AGPAT3: variants seen among roughly 807,000 people sequenced by gnomAD.
AGPAT3 encodes 1-acylglycerol-3-phosphate O-acyltransferase 3, also known as 1-acyl-sn-glycerol-3-phosphate acyltransferase gamma.
In AGPAT3, 5 loss-of-function variants were observed where a neutral mutation model predicts 47.3. The observed-to-expected ratio is 0.11, with a 90% CI of 0.06 to 0.22. AGPAT3 has a LOEUF of 0.22. Among genes scored for constraint, AGPAT3 ranks in the 10% least tolerant of loss-of-function variants. The pLI, the probability that AGPAT3 is intolerant of heterozygous loss-of-function variation, is 1.00. For synonymous variants in AGPAT3, 212 were observed against 208.3 expected (o/e 1.02, Z -0.15); for missense variants, 315 against 493.0 (o/e 0.64, Z 3.42).
intron 2 of AGPAT3, among the ~76,000 whole-genome samples, chr21:43,925,844 C>T (rs2087036736): frequency 6.6e-6 from 1 of 152,252 alleles, no homozygotes; most frequent in Non-Finnish European, 1.5e-5. Flanking sequence ...ATTCCACCTT[C>T]TCCGTCAGGG....
At chr21:43,887,110 T>C (rs1471568495) in intron 1 of AGPAT3, among the ~76,000 whole-genome samples, 1 of 152,232 alleles carries the variant, frequency 6.6e-6, no homozygotes, top group Non-Finnish European at 1.5e-5. Context: ...TAAACGTGGG[T>C]ACTCCAAAGC....
At position 43,954,823 on chromosome 21, in the gene AGPAT3, C is replaced by T. The variant is rs552520359; in HGVS notation, c.-48-4811C>T. ...AGCTGGACCCAAGACGCCAGAGTTC[C>T]GGGGGCACTGAGTGCTGTGTGGCAC... On this transcript the variant is annotated intron_variant, in intron 2 of 9. Transcript: ENST00000291572. The surrounding 1 kb of genome is among the most constrained non-coding windows in gnomAD (Gnocchi z 4.0). 82 of 169,904 alleles carry T rather than the reference C, an allele frequency of 4.8e-4. 1 individual carries two copies. Among genetic ancestry groups the T allele is most frequent in the African/African-American group, 1.8e-3 (76 of 41,850 alleles). The allele number at this position is 169,904 out of a possible 1,614,324, so 10.5% of individuals were successfully genotyped here. A position where few individuals can be genotyped will look rare whatever the true frequency, so the allele number is the denominator to read the frequency against.
At chr21:43,876,827 TTTTTG>T (rs952348684) in intron 1 of AGPAT3, among the ~76,000 whole-genome samples, 15 of 152,108 alleles carry the variant, frequency 9.9e-5, no homozygotes, top group African/African-American at 2.9e-4. Context: ...TTTTCACCAG[TTTTTG>T]TTTTGTTTTG....
intron 2 of AGPAT3, among the ~76,000 whole-genome samples, chr21:43,943,646 CCTGCGCCTGGCCTGCCA>C (rs2087748204): frequency 6.6e-6 from 1 of 152,190 alleles, no homozygotes; most frequent in Non-Finnish European, 1.5e-5. Flanking sequence ...ACCTCGGTTC[CCTGCGCCTGGCCTGCCA>C]GGCCTCAGCC....
chr21:43,943,017 C>T (rs2087718026), intron 2 of AGPAT3, among the ~76,000 whole-genome samples: 1 of 152,218 alleles, frequency 6.6e-6, no homozygotes, highest in East Asian at 1.9e-4. Context: ...GAGGCCCGCT[C>T]CCCAGGGCTG....
At chr21:43,979,806 C>G in intron 8 of AGPAT3, among the ~76,000 whole-genome samples, 1 of 152,196 alleles carries the variant, frequency 6.6e-6, no homozygotes, top group Non-Finnish European at 1.5e-5. Flanking sequence ...GCTGGGTGCT[C>G]AGGGGTGGCC....
rs996366706 is a variant in AGPAT3, at chr21:43,955,094, C to T, written c.-48-4540C>T. On this transcript the variant is annotated intron_variant, in intron 2 of 9. Coordinates refer to ENST00000291572, the MANE Select transcript of AGPAT3 (RefSeq NM_020132.5). This position sits in a 1 kb window ranked among gnomAD's most constrained non-coding sequence, Gnocchi z 4.1. ...GTGCCAGCTGCCTGTCGGCAGGGAG[C>T]GTATCACCGTGGCACGTCCATGCCG... The T allele has an allele frequency of 7.9e-6, 10 of 1,260,928 alleles. No homozygotes were observed. The highest frequency in any genetic ancestry group is 2.2e-4 in the Middle Eastern group (1 of 4,480). 78.1% of individuals were successfully genotyped at this position (1,260,928 alleles called of 1,614,324 possible). A position where few individuals can be genotyped will look rare whatever the true frequency, so the allele number is the denominator to read the frequency against.
At position 43,919,336 on chromosome 21, in the gene AGPAT3, A is replaced by G. The variant is rs987625678; in HGVS notation, c.-49+15317A>G. Among the ~76,000 whole-genome samples the G allele has an allele frequency of 7.2e-5, 11 of 152,212 alleles. No individual in the cohort carries two copies. In the East Asian group the frequency reaches 2.1e-3, roughly 29 times the overall value. On this transcript the variant is annotated intron_variant, in intron 2 of 9. Coordinates refer to ENST00000291572, the MANE Select transcript of AGPAT3 (RefSeq NM_020132.5). ...CCCCTTCCCAATTTCCCTGTCCATT[A>G]TATCACTCTATGTTTTTGCGTTCTC... is the stretch of plus-strand genomic sequence containing the variant.
chr21:43,967,635 C>T (rs2089192882), intron 3 of AGPAT3: 3 of 312,544 alleles, frequency 9.6e-6, no homozygotes, highest in South Asian at 6.6e-5. Flanking sequence ...TCTCACGGGG[C>T]GTGGCTGTGC....
intron 1 of AGPAT3, among the ~76,000 whole-genome samples, chr21:43,876,243 G>A (rs2085730448): frequency 1.3e-5 from 2 of 151,476 alleles, no homozygotes; most frequent in Non-Finnish European, 2.9e-5. Flanking sequence ...TTTCTATACT[G>A]TAACTAATAA....
chr21:43,868,000 C>T (rs578206921), intron 1 of AGPAT3, among the ~76,000 whole-genome samples: 3 of 152,188 alleles, frequency 2.0e-5, no homozygotes, highest in African/African-American at 7.2e-5. Flanking sequence ...TTACCAATTT[C>T]AAAGCGCTGC....
intron 1 of AGPAT3, among the ~76,000 whole-genome samples, chr21:43,899,612 C>T (rs369365219): frequency 3.3e-5 from 5 of 152,156 alleles, no homozygotes; most frequent in Non-Finnish European, 2.9e-5. Flanking sequence ...TTGGGCTGGC[C>T]GCGGTGAGCA....
At chr21:43,957,128 G>A (rs973568403) in intron 2 of AGPAT3, among the ~76,000 whole-genome samples, 1 of 152,190 alleles carries the variant, frequency 6.6e-6, no homozygotes, top group African/African-American at 2.4e-5. Context: ...GGTGGTGGGA[G>A]TGACACTGGC....
rs1465875994 is a variant in AGPAT3 at position 43,978,090 on chromosome 21, C to A, written c.812C>A (p.Ala271Asp). The change falls in exon 8 of 10, where the codon GCT becomes GAT. Residue 271 changes from alanine to aspartate, a missense_variant. Transcript: ENST00000291572. The part of the protein sequence containing the change: ...EDIPLDEKEA[A>D]QWLHKLYQEK... ...ATCCCGCTGGATGAAAAGGAAGCAG[C>A]TCAGTGGCTTCATAAACTGTACCAG... The A allele has an allele frequency of 6.2e-7, 1 of 1,613,730 alleles. No individual in the cohort carries two copies. Among genetic ancestry groups the A allele is most frequent in the South Asian group, 1.1e-5 (1 of 90,982 alleles).
At position 43,959,780 on chromosome 21, in the gene AGPAT3, G is replaced by C; in HGVS notation, c.99G>C (p.Leu33=). Reference sequence around the variant, plus strand: ...GTCTGGTCATCAACTTCGTCCAGCTGTGCACGCTGGCGCTCTGGCCGGTCA... The same window carrying C: ...GTCTGGTCATCAACTTCGTCCAGCTCTGCACGCTGGCGCTCTGGCCGGTCA... ...VSGLVINFVQ[L]CTLALWPVSK... The change falls in exon 3 of 10, where the codon CTG becomes CTC. Residue 33 remains leucine, a synonymous_variant. Transcript: ENST00000291572. 1 of 1,613,652 alleles carries C rather than the reference G, an allele frequency of 6.2e-7. No individual in the cohort carries two copies. The highest frequency in any genetic ancestry group is 1.1e-5 in the South Asian group (1 of 91,084).
Position 43,970,852 on chromosome 21 carries a change from A to G in AGPAT3, c.664+46A>G, listed in dbSNP as rs1169589752. The G allele has an allele frequency of 7.6e-6, 11 of 1,450,680 alleles. No homozygotes were observed. The highest frequency in any genetic ancestry group is 1.0e-5 in the Non-Finnish European group (11 of 1,101,810). The allele number at this position is 1,450,680 out of a possible 1,614,324, so 89.9% of individuals were successfully genotyped here. Reference sequence around the variant, plus strand: ...GCCGGGGCCACCGCTATGCTCACGGAAAATAGTGATTTCTTTAAAAAAAAA... The same window carrying G: ...GCCGGGGCCACCGCTATGCTCACGGGAAATAGTGATTTCTTTAAAAAAAAA... On this transcript the variant is annotated intron_variant, in intron 6 of 9. Coordinates refer to ENST00000291572, the MANE Select transcript of AGPAT3 (RefSeq NM_020132.5). This position sits in a 1 kb window ranked among gnomAD's most constrained non-coding sequence, Gnocchi z 5.8.
chr21:43,959,997 C>A, intron 3 of AGPAT3, 138 bp downstream of exon 3: 1 of 924,366 alleles, frequency 1.1e-6, no homozygotes, highest in Non-Finnish European at 1.6e-6. Flanking sequence ...GGCTGGCAGG[C>A]TGTCGGAAGG....
intron 2 of AGPAT3, chr21:43,925,142 C>G (rs570806221): frequency 6.6e-6 from 1 of 152,364 alleles, no homozygotes; most frequent in South Asian, 2.1e-4. Flanking sequence ...GCAGGACTCT[C>G]TCCCCTCGCT....
intron 2 of AGPAT3, among the ~76,000 whole-genome samples, chr21:43,914,977 C>G (rs1182539619): frequency 6.6e-6 from 1 of 152,140 alleles, no homozygotes; most frequent in East Asian, 1.9e-4. Flanking sequence ...TCCATTTTAT[C>G]TAGATTTCAA....
Sources: allele counts gnomAD v4.1 joint callset (sites outside exome capture counted in the v4.1 genomes callset), GRCh38; gene constraint gnomAD v4.1.1; non-coding constraint Gnocchi (gnomAD v3.1); transcripts MANE v1.5; gene names NCBI Gene and HGNC (gene_info 2026-07-23, HGNC 2026-07-21).